Variants in SNX9 observed in about 807,000 individuals in gnomAD.
SNX9 encodes sorting nexin 9, also known as sorting nexin-9.
In SNX9, 44 loss-of-function variants were observed where a neutral mutation model predicts 89.4. The ratio of observed to expected loss-of-function variants is 0.49; its 90% confidence interval spans 0.39 to 0.63. The LOEUF is 0.63. Ranked by LOEUF, SNX9 falls within the 30% of genes least tolerant of loss-of-function variation. SNX9 has a pLI of 0.00. For missense variants in SNX9, 578 were observed against 736.1 expected, an observed-to-expected ratio of 0.79 and a Z score of 2.49; for synonymous variants, 236 against 247.8, an observed-to-expected ratio of 0.95 and a Z score of 0.45.
In SNX9 at chr6:157,905,015, A is replaced by G. The variant is rs189676712; in HGVS notation, c.621-1113A>G. ...GAGTACATACTAGGTTCTTTACATAAATCTTTAATTCCCTTATCACCTTAG... is the reference window on the plus strand; with the variant it reads ...GAGTACATACTAGGTTCTTTACATAGATCTTTAATTCCCTTATCACCTTAG... On this transcript the variant is annotated intron_variant, in intron 6 of 17. Coordinates refer to ENST00000392185, the MANE Select transcript of SNX9 (RefSeq NM_016224.5). Among the ~76,000 whole-genome samples, 3 of 152,334 alleles carry G rather than the reference A, an allele frequency of 2.0e-5. No homozygotes were observed. The East Asian group carries it at 5.8e-4, about 29-fold the overall frequency.
At chr6:157,906,262 A>G in intron 7 of SNX9, 50 bp downstream of exon 7, 2 of 1,427,532 alleles carry the variant, frequency 1.4e-6, no homozygotes, top group Non-Finnish European at 1.9e-6. Context: ...GCTCTTTCTT[A>G]TACCGTACTT....
At chr6:157,902,665 G>A (rs1372949970) in intron 6 of SNX9, among the ~76,000 whole-genome samples, 1 of 152,036 alleles carries the variant, frequency 6.6e-6, no homozygotes, top group Non-Finnish European at 1.5e-5. Context: ...AAAAAGTGTT[G>A]TGTTTTATTT....
intron 9 of SNX9, among the ~76,000 whole-genome samples, chr6:157,914,463 CTTTTTCTTTTTTT>C (rs1783417221): frequency 1.0e-5 from 1 of 96,632 alleles, no homozygotes; most frequent in Non-Finnish European, 2.0e-5. Flanking sequence ...TTGTCATTTT[CTTTTTCTTTTTTT>C]TTTTTTTTTT....
At chr6:157,913,936 A>G (rs1449846830) in intron 9 of SNX9, among the ~76,000 whole-genome samples, 1 of 150,504 alleles carries the variant, frequency 6.6e-6, no homozygotes, top group African/African-American at 2.5e-5. Context: ...GCAATTATGA[A>G]TAAAGCTGCC....
chr6:157,936,143 C>T, intron 14 of SNX9, 103 bp downstream of exon 14: 2 of 777,812 alleles, frequency 2.6e-6, no homozygotes, highest in Non-Finnish European at 4.0e-6. Context: ...TAAGTACCCT[C>T]TTCTTTTCTG....
chr6:157,906,513 C>G (rs1307012724), intron 7 of SNX9, among the ~76,000 whole-genome samples: 3 of 152,118 alleles, frequency 2.0e-5, no homozygotes, highest in Non-Finnish European at 2.9e-5. Context: ...TCTGCCAGCC[C>G]TATATGTTTA....
chr6:157,840,338 A>G (rs1271282699), intron 1 of SNX9, among the ~76,000 whole-genome samples: 1 of 152,222 alleles, frequency 6.6e-6, no homozygotes, highest in African/African-American at 2.4e-5. Flanking sequence ...GGGCTTTGAC[A>G]TTTATTTGGC....
rs1467156461 is a variant in SNX9 at position 157,826,790 on chromosome 6, A to T, written c.12+3344A>T. On this transcript the variant is annotated intron_variant, in intron 1 of 17. Transcript: ENST00000392185. The stretch of plus-strand genomic sequence containing the variant: ...ATGATATATAAATATATTATATTAT[A>T]TATATATATTATATTTTATATATAA... Among the ~76,000 whole-genome samples, 141 of 118,304 alleles carry T rather than the reference A, an allele frequency of 1.2e-3. 10 individuals are homozygous for T. The highest frequency in any genetic ancestry group is 0.012 in the Middle Eastern group (3 of 260). The allele number at this position is 118,304 out of a possible 152,430, so 77.6% of individuals were successfully genotyped here. A position where few individuals can be genotyped will look rare whatever the true frequency, so the allele number is the denominator to read the frequency against.
At chr6:157,880,124 G>A (rs1782595057) in intron 4 of SNX9, among the ~76,000 whole-genome samples, 1 of 152,300 alleles carries the variant, frequency 6.6e-6, no homozygotes, top group East Asian at 1.9e-4. Context: ...GGTGAGTGGT[G>A]TGGTGGGAAG....
chr6:157,897,883 G>A (rs556145967), intron 5 of SNX9, among the ~76,000 whole-genome samples: 1 of 152,254 alleles, frequency 6.6e-6, no homozygotes, highest in East Asian at 1.9e-4. Flanking sequence ...GGTGGAGCTG[G>A]AAGTTCCAAG....
chr6:157,923,731 A>G (rs1006898481), intron 10 of SNX9, among the ~76,000 whole-genome samples: 1 of 152,220 alleles, frequency 6.6e-6, no homozygotes, highest in African/African-American at 2.4e-5. Flanking sequence ...AAAGCATGGC[A>G]TTGGCATAAG....
At chr6:157,880,382 C>T (rs1782600347) in intron 4 of SNX9, among the ~76,000 whole-genome samples, 2 of 152,212 alleles carry the variant, frequency 1.3e-5, no homozygotes, top group Non-Finnish European at 2.9e-5. Context: ...TCTCACTATT[C>T]TACCCTCTCT....
intron 2 of SNX9, among the ~76,000 whole-genome samples, chr6:157,871,067 C>T (rs1473065991): frequency 6.6e-6 from 1 of 152,208 alleles, no homozygotes; most frequent in Non-Finnish European, 1.5e-5. Context: ...AGAAAACGTA[C>T]TTTATATGTC....
At position 157,931,261 on chromosome 6, in the gene SNX9, A is replaced by G. The variant is rs781037323; in HGVS notation, c.1289-934A>G. On this transcript the variant is annotated intron_variant, in intron 12 of 17. Transcript: ENST00000392185. ...CTGAGGTACCACAGGGGTACAATTT[A>G]TTAAAATTAACTGAGCTCGTGTAAT... is the stretch of plus-strand genomic sequence containing the variant. Among the ~76,000 whole-genome samples the G allele has an allele frequency of 3.4e-4, 52 of 151,952 alleles. 1 individual carries two copies. The highest frequency in any genetic ancestry group is 9.8e-4 in the Admixed American group (15 of 15,250).
intron 1 of SNX9, among the ~76,000 whole-genome samples, chr6:157,839,641 G>A (rs149540633): frequency 1.2e-3 from 177 of 152,294 alleles, no homozygotes; most frequent in Non-Finnish European, 2.1e-3. Context: ...CCGTCCTGCT[G>A]GGGAAGCAGA....
At chr6:157,844,587 G>GTTTTTTTTTTTTTTTTTTT (rs1177648226) in intron 1 of SNX9, among the ~76,000 whole-genome samples, 20 of 130,296 alleles carry the variant, frequency 1.5e-4, no homozygotes, top group South Asian at 5.0e-4. Context: ...GCTAATCCTT[G>GTTTTTTTTTTTTTTTTTTT]TTTTTTTTTT....
chr6:157,872,175 TTAA>T (rs1056184295), intron 2 of SNX9, among the ~76,000 whole-genome samples: 7 of 152,136 alleles, frequency 4.6e-5, no homozygotes, highest in South Asian at 2.1e-4. Flanking sequence ...TTGTTAATAA[TTAA>T]TAATAATATC....
chr6:157,913,998 G>A lies in SNX9; in HGVS notation c.949+3973G>A, dbSNP rs936396863. ...ATGAATGTAAGTTTTCATTCCTCTT[G>A]GGTAAATAAGAGTAAAATGACTGGG... On this transcript the variant is annotated intron_variant, in intron 9 of 17. Transcript: ENST00000392185. Among the ~76,000 whole-genome samples, 3 of 151,362 alleles carry A rather than the reference G, an allele frequency of 2.0e-5. No individual in the cohort carries two copies. The South Asian group carries it at 6.2e-4, about 31-fold the overall frequency.
intron 5 of SNX9, 84 bp downstream of exon 5, chr6:157,897,082 C>T: frequency 3.0e-6 from 4 of 1,323,578 alleles, no homozygotes; most frequent in Non-Finnish European, 4.1e-6. Context: ...TTTTGCTGTT[C>T]CCACACTCAG....
Sources: gnomAD v4.1 joint callset for allele counts (sites outside exome capture counted in the v4.1 genomes callset) on GRCh38, gnomAD v4.1.1 for gene constraint, MANE v1.5 for transcripts, NCBI Gene and HGNC (gene_info 2026-07-23, HGNC 2026-07-21) for gene names.